The following OR2C1 variants were observed in gnomAD, a reference collection of about 807,000 sequenced individuals.
OR2C1 encodes the protein olfactory receptor family 2 subfamily C member 1.
For synonymous variants in OR2C1, 209 were observed against 167.3 expected (o/e 1.25, Z -1.92); for missense variants, 468 against 388.3 (o/e 1.21, Z -1.73).
At chr16:3,354,964 T>G (rs977726699), upstream of OR2C1, among the ~76,000 whole-genome samples, 1 of 152,068 alleles carries the variant, frequency 6.6e-6, no homozygotes, top group Non-Finnish European at 1.5e-5. Flanking sequence ...TTTGAGAACT[T>G]TCACATCTAA....
At chr16:3,327,046 A>T in the OR2C1 span, among the ~76,000 whole-genome samples, 1 of 152,194 alleles carries the variant, frequency 6.6e-6, no homozygotes, top group African/African-American at 2.4e-5. Context: ...TAATAAATAC[A>T]TAGAGTAATA....
At chr16:3,341,709 T>C in the OR2C1 span, among the ~76,000 whole-genome samples, 3 of 152,096 alleles carry the variant, frequency 2.0e-5, no homozygotes, top group Non-Finnish European at 2.9e-5. Flanking sequence ...TTCCTGAGTA[T>C]GAGCTCTGTC....
At chr16:3,339,588 C>A in the OR2C1 span, among the ~76,000 whole-genome samples, 5 of 152,104 alleles carry the variant, frequency 3.3e-5, no homozygotes, top group Non-Finnish European at 7.4e-5. Flanking sequence ...TCACAAGTAG[C>A]TGGGACTACA....
chr16:3,338,550 T>TTTTTTTTTTTTTTTTG, the OR2C1 span, among the ~76,000 whole-genome samples: 1 of 143,858 alleles, frequency 7.0e-6, no homozygotes. Context: ...TTTTTTTTTT[T>TTTTTTTTTTTTTTTTG]TTTTTGAAAC....
the OR2C1 span, among the ~76,000 whole-genome samples, chr16:3,345,463 G>T: frequency 6.8e-6 from 1 of 147,436 alleles, no homozygotes; most frequent in African/African-American, 2.5e-5. Context: ...TCCAGCCTGG[G>T]TGACAGAGTG....
chr16:3,328,848 C>G, the OR2C1 span, among the ~76,000 whole-genome samples: 5 of 152,182 alleles, frequency 3.3e-5, no homozygotes, highest in Non-Finnish European at 7.3e-5. Context: ...GCCCCACGCC[C>G]TGTCTAAACT....
At position 3,356,082 on chromosome 16, in the gene OR2C1, C is replaced by G. The variant is rs997784959; in HGVS notation, c.142C>G (p.Leu48Val). The G allele has an allele frequency of 6.2e-7, 1 of 1,614,214 alleles. No individual in the cohort carries two copies. The highest frequency in any genetic ancestry group is 8.5e-7 in the Non-Finnish European group (1 of 1,180,050). Residue 48 changes from leucine (L) to valine (V), a missense_variant, in exon 1 of 1, where the codon CTT (leucine) becomes GTT (valine). Coordinates refer to ENST00000304936, the MANE Select transcript of OR2C1 (RefSeq NM_012368.3). Reference sequence around the variant, plus strand: ...ACTTGGGAACTCAACCATCATCTTGCTTTCCCGCCTGGAGGCCCGGCTCCA... The same window carrying G: ...ACTTGGGAACTCAACCATCATCTTGGTTTCCCGCCTGGAGGCCCGGCTCCA... ...TLLGNSTIIL[L>V]SRLEARLHTP...
At chr16:3,345,540 A>T in the OR2C1 span, among the ~76,000 whole-genome samples, 1 of 152,058 alleles carries the variant, frequency 6.6e-6, no homozygotes, top group Non-Finnish European at 1.5e-5. Flanking sequence ...TATGTTTTAC[A>T]AGGATACACA....
chr16:3,346,868 G>C, the OR2C1 span, among the ~76,000 whole-genome samples: 1 of 151,388 alleles, frequency 6.6e-6, no homozygotes, highest in East Asian at 2.0e-4. Context: ...TTGGCCTCAA[G>C]TGATCTGCCC....
the OR2C1 span, among the ~76,000 whole-genome samples, chr16:3,348,549 A>G: frequency 2.0e-5 from 3 of 152,162 alleles, no homozygotes; most frequent in East Asian, 3.9e-4. Context: ...CACAGTGACC[A>G]GCACACAGCA....
At chr16:3,340,937 C>T in the OR2C1 span, among the ~76,000 whole-genome samples, 1 of 151,446 alleles carries the variant, frequency 6.6e-6, no homozygotes, top group African/African-American at 2.4e-5. Flanking sequence ...TAATCAGGGT[C>T]CCTTGCAGTC....
the OR2C1 span, among the ~76,000 whole-genome samples, chr16:3,330,757 T>C: frequency 6.6e-6 from 1 of 152,172 alleles, no homozygotes; most frequent in South Asian, 2.1e-4. Flanking sequence ...ATTTTTATTT[T>C]TTAGAGACAG....
chr16:3,337,460 C>T, the OR2C1 span, among the ~76,000 whole-genome samples: 210 of 152,198 alleles, frequency 1.4e-3, 1 homozygote, highest in Non-Finnish European at 2.5e-3. Flanking sequence ...TGGACCACCA[C>T]GCCCATCCCT....
the OR2C1 span, among the ~76,000 whole-genome samples, chr16:3,329,169 GACACACACACACACACACAC>G: frequency 5.2e-4 from 60 of 115,148 alleles, 1 homozygote; most frequent in Admixed American, 4.3e-3. Flanking sequence ...TGGGAGGGAA[GACACACACACACACACACAC>G]ACACACACAC....
At chr16:3,327,611 A>T in the OR2C1 span, among the ~76,000 whole-genome samples, 1 of 151,190 alleles carries the variant, frequency 6.6e-6, no homozygotes, top group Non-Finnish European at 1.5e-5. Context: ...GGGATACTAG[A>T]TGCCCGTGAT....
chr16:3,357,452 C>A (rs1225873549), downstream of OR2C1, among the ~76,000 whole-genome samples: 7 of 152,144 alleles, frequency 4.6e-5, no homozygotes, highest in Admixed American at 2.6e-4. Flanking sequence ...TAGCTCACTG[C>A]AGCCTTCAAC....
At chr16:3,347,179 A>G in the OR2C1 span, among the ~76,000 whole-genome samples, 2 of 138,018 alleles carry the variant, frequency 1.4e-5, no homozygotes, top group African/African-American at 5.4e-5. Flanking sequence ...CCCGGGAGGC[A>G]GAGGTTGCAG....
Position 3,356,819 on chromosome 16 carries a change from G to C in OR2C1, c.879G>C (p.Arg293=). 1 of 1,613,702 alleles carries C rather than the reference G, an allele frequency of 6.2e-7. No individual in the cohort carries two copies. The highest frequency in any genetic ancestry group is 8.5e-7 in the Non-Finnish European group (1 of 1,179,738). The change falls in exon 1 of 1, where the codon CGG becomes CGC. Residue 293 remains arginine, a synonymous_variant. Coordinates refer to ENST00000304936, the MANE Select transcript of OR2C1 (RefSeq NM_012368.3). ...PMVNPLIYTL[R]NMEVKGALRR... The stretch of plus-strand genomic sequence containing the variant: ...TGAATCCCCTCATCTACACGCTGCG[G>C]AACATGGAAGTGAAGGGCGCACTGA...
At chr16:3,353,967 G>A (rs1391891430), upstream of OR2C1, among the ~76,000 whole-genome samples, 2 of 145,832 alleles carry the variant, frequency 1.4e-5, no homozygotes, top group Admixed American at 1.4e-4. Flanking sequence ...TTGTTTGTTT[G>A]TTTTTCTTTT....
Sources: allele counts gnomAD v4.1 joint callset (sites outside exome capture counted in the v4.1 genomes callset), GRCh38; gene constraint gnomAD v4.1.1; transcripts MANE v1.5; gene names NCBI Gene and HGNC (gene_info 2026-07-23, HGNC 2026-07-21).